Variants in SLC24A3 observed in about 807,000 individuals in gnomAD.
The protein encoded by SLC24A3 is solute carrier family 24 member 3, also known as sodium/potassium/calcium exchanger 3.
SLC24A3 carries 28 observed loss-of-function variants against 75.8 expected under a neutral mutation model. That is an observed-to-expected ratio of 0.37 (90% confidence interval 0.27 to 0.51). The LOEUF is 0.51. SLC24A3 is among the 20% of genes least tolerant of loss of function. The pLI, the probability that SLC24A3 is intolerant of heterozygous loss-of-function variation, is 0.94. For missense variants in SLC24A3, 663 were observed against 847.8 expected (o/e 0.78, Z 2.71); for synonymous variants, 372 against 334.1 (o/e 1.11, Z -1.24).
intron 2 of SLC24A3, among the ~76,000 whole-genome samples, chr20:19,468,923 G>A (rs559102455): frequency 7.9e-5 from 12 of 152,204 alleles, no homozygotes; most frequent in Non-Finnish European, 1.6e-4. Context: ...GAAGGGAACG[G>A]TGGGTAATGA....
In SLC24A3 at chr20:19,359,360, A is replaced by G. The variant is rs183516730; in HGVS notation, c.271+78273A>G. On this transcript the variant is annotated intron_variant, in intron 2 of 16. Transcript: ENST00000328041. The stretch of plus-strand genomic sequence containing the variant: ...CCAGAGATTCCAGGAAATATTTCCT[A>G]TGAATGGCCTGTGTAGCTTTTCAGT... 1.9e-4 allele frequency among the ~76,000 whole-genome samples: 29 copies of G among 152,296 alleles called. No individual in the cohort carries two copies. In the East Asian group the frequency reaches 4.2e-3, roughly 22 times the overall value.
At chr20:19,629,235 T>C (rs2031905497) in intron 6 of SLC24A3, among the ~76,000 whole-genome samples, 1 of 150,548 alleles carries the variant, frequency 6.6e-6, no homozygotes, top group Admixed American at 6.6e-5. Context: ...AAACAGAAAA[T>C]CTAGGGCTAA....
chr20:19,613,414 T>C (rs530846613), intron 6 of SLC24A3, among the ~76,000 whole-genome samples: 36 of 152,300 alleles, frequency 2.4e-4, no homozygotes, highest in South Asian at 4.1e-4. Context: ...GAGCCTACCA[T>C]TTTACAAGGC....
At chr20:19,664,220 G>A (rs1470261673) in intron 7 of SLC24A3, among the ~76,000 whole-genome samples, 1 of 152,096 alleles carries the variant, frequency 6.6e-6, no homozygotes, top group African/African-American at 2.4e-5. Flanking sequence ...TGATTTTTTG[G>A]CAACAATCTT....
intron 2 of SLC24A3, among the ~76,000 whole-genome samples, chr20:19,314,578 G>A (rs1299196352): frequency 1.3e-5 from 2 of 152,136 alleles, no homozygotes; most frequent in Non-Finnish European, 2.9e-5. Flanking sequence ...GCCTCCCAAA[G>A]TTCTGGGATT....
At chr20:19,432,761 A>G (rs6046089) in intron 2 of SLC24A3, among the ~76,000 whole-genome samples, 4,112 of 152,308 alleles carry the variant, frequency 0.027, 157 homozygotes, top group East Asian at 0.1. Flanking sequence ...ACAGGTTTAC[A>G]GAAGCATCTT....
At chr20:19,665,710 A>G (rs1173779818) in intron 7 of SLC24A3, among the ~76,000 whole-genome samples, 154 bp from the exon 8 acceptor site, 1 of 152,150 alleles carries the variant, frequency 6.6e-6, no homozygotes, top group Non-Finnish European at 1.5e-5. Context: ...AAGTTTACCC[A>G]CAGGGACTCC....
intron 2 of SLC24A3, among the ~76,000 whole-genome samples, chr20:19,473,981 T>C (rs1335328266): frequency 6.6e-6 from 1 of 152,334 alleles, no homozygotes; most frequent in Non-Finnish European, 1.5e-5. Flanking sequence ...ATAGAGAAAA[T>C]GGTTTGGTTT....
chr20:19,300,340 T>G (rs1984166014), intron 2 of SLC24A3, among the ~76,000 whole-genome samples: 1 of 152,106 alleles, frequency 6.6e-6, no homozygotes, highest in Non-Finnish European at 1.5e-5. Flanking sequence ...AGCCCAGGCA[T>G]CATGGATGAC....
chr20:19,348,498 T>TC (rs1985485553), intron 2 of SLC24A3, among the ~76,000 whole-genome samples: 1 of 152,100 alleles, frequency 6.6e-6, no homozygotes, highest in African/African-American at 2.4e-5. Flanking sequence ...ATTCGGCCTC[T>TC]CCCCCTAGCC....
intron 2 of SLC24A3, among the ~76,000 whole-genome samples, chr20:19,343,187 A>G (rs1985314728): frequency 6.6e-6 from 1 of 152,130 alleles, no homozygotes; most frequent in Non-Finnish European, 1.5e-5. Context: ...TTGTTCTGGA[A>G]CTGGCTGGCT....
At chr20:19,349,451 A>T (rs1985515237) in intron 2 of SLC24A3, among the ~76,000 whole-genome samples, 1 of 152,146 alleles carries the variant, frequency 6.6e-6, no homozygotes, top group South Asian at 2.1e-4. Flanking sequence ...TCTTTGCCTG[A>T]GGGTTCTGGG....
chr20:19,500,081 T>C (rs1243666549), intron 2 of SLC24A3, among the ~76,000 whole-genome samples: 1 of 152,170 alleles, frequency 6.6e-6, no homozygotes, highest in Non-Finnish European at 1.5e-5. Context: ...AGGAAATGTG[T>C]GGTGCACACC....
chr20:19,342,937 G>A (rs1378015215), intron 2 of SLC24A3, among the ~76,000 whole-genome samples: 2 of 151,968 alleles, frequency 1.3e-5, no homozygotes, highest in East Asian at 1.9e-4. Flanking sequence ...GGGCGTGGTG[G>A]CAGGTGCCTG....
At chr20:19,493,969 C>T (rs1359235946) in intron 2 of SLC24A3, among the ~76,000 whole-genome samples, 1 of 152,216 alleles carries the variant, frequency 6.6e-6, no homozygotes, top group Non-Finnish European at 1.5e-5. Flanking sequence ...GCTCCAACTT[C>T]CTTGGCCTAG....
intron 1 of SLC24A3, among the ~76,000 whole-genome samples, chr20:19,221,885 G>A (rs1981724458): frequency 6.6e-6 from 1 of 152,044 alleles, no homozygotes; most frequent in Admixed American, 6.5e-5. Flanking sequence ...CTCTTAAACT[G>A]GAAGCTTGTC....
At chr20:19,325,586 G>A (rs1390808524) in intron 2 of SLC24A3, among the ~76,000 whole-genome samples, 1 of 151,722 alleles carries the variant, frequency 6.6e-6, no homozygotes, top group Non-Finnish European at 1.5e-5. Flanking sequence ...CTTCATGGGA[G>A]AGGAGGCAGC....
intron 2 of SLC24A3, among the ~76,000 whole-genome samples, chr20:19,458,199 G>A (rs1188703977): frequency 6.6e-6 from 1 of 151,930 alleles, no homozygotes; most frequent in Non-Finnish European, 1.5e-5. Context: ...ACACACACAC[G>A]TACGTCTATG....
At chr20:19,380,537 C>T (rs1388788599) in intron 2 of SLC24A3, among the ~76,000 whole-genome samples, 1 of 152,180 alleles carries the variant, frequency 6.6e-6, no homozygotes, top group Non-Finnish European at 1.5e-5. Flanking sequence ...GGGGAAGATT[C>T]AACCTCCGAT....
Sources: allele counts gnomAD v4.1 joint callset (sites outside exome capture counted in the v4.1 genomes callset), GRCh38; gene constraint gnomAD v4.1.1; transcripts MANE v1.5; gene names NCBI Gene and HGNC (gene_info 2026-07-23, HGNC 2026-07-21).